NELL1: variants seen among roughly 807,000 people sequenced by gnomAD.
The protein encoded by NELL1 is neural EGFL like 1.
Under a neutral mutation model 107.4 loss-of-function variants are expected in NELL1, and 76 were observed. The ratio of observed to expected loss-of-function variants is 0.71; its 90% CI spans 0.59 to 0.86. NELL1 has a LOEUF of 0.86. Among genes scored for constraint, NELL1 ranks in the 40% least tolerant of loss-of-function variants. The pLI is 0.00. For synonymous variants in NELL1, 353 were observed against 341.2 expected (o/e 1.03, Z -0.38); for missense variants, 1,024 against 1,005.5 (o/e 1.02, Z -0.25).
intron 4 of NELL1, among the ~76,000 whole-genome samples, chr11:20,875,093 G>A (rs796195413): frequency 5.1e-4 from 78 of 152,226 alleles, no homozygotes; most frequent in Middle Eastern, 3.4e-3. Flanking sequence ...AATTACTTTC[G>A]TCTCATGGTA....
intron 15 of NELL1, among the ~76,000 whole-genome samples, chr11:21,410,771 C>T (rs531963282): frequency 4.5e-4 from 69 of 152,182 alleles, no homozygotes; most frequent in Middle Eastern, 3.4e-3. Flanking sequence ...CATGAAGTCT[C>T]TGTGGTGTAG....
chr11:21,493,591 G>C (rs1234727026), intron 15 of NELL1, among the ~76,000 whole-genome samples: 1 of 151,984 alleles, frequency 6.6e-6, no homozygotes, highest in Admixed American at 6.6e-5. Flanking sequence ...AGGATGTGAA[G>C]TGTCTATGGG....
chr11:21,281,025 C>T (rs1848981221), intron 14 of NELL1, among the ~76,000 whole-genome samples: 1 of 151,524 alleles, frequency 6.6e-6, no homozygotes, highest in African/African-American at 2.4e-5. Context: ...CCAGGCTGCA[C>T]AGCTTACAGT....
chr11:20,930,696 T>G (rs1360609217), intron 9 of NELL1, among the ~76,000 whole-genome samples: 1 of 152,188 alleles, frequency 6.6e-6, no homozygotes, highest in African/African-American at 2.4e-5. Context: ...TGTGGGACGG[T>G]CATTTTTCTT....
At chr11:20,690,203 T>C (rs1185146073) in intron 2 of NELL1, among the ~76,000 whole-genome samples, 2 of 152,212 alleles carry the variant, frequency 1.3e-5, no homozygotes, top group South Asian at 2.1e-4. Context: ...GATGAGTAGG[T>C]TGTGAAAATT....
chr11:20,933,283 T>C (rs960322466), intron 9 of NELL1, among the ~76,000 whole-genome samples: 2 of 152,174 alleles, frequency 1.3e-5, no homozygotes, highest in African/African-American at 4.8e-5. Flanking sequence ...ACATTAGAGA[T>C]ACTCCACAGG....
chr11:21,217,076 G>T (rs1184240690), intron 13 of NELL1, among the ~76,000 whole-genome samples: 1 of 152,106 alleles, frequency 6.6e-6, no homozygotes, highest in Non-Finnish European at 1.5e-5. Context: ...TTGTGATAGT[G>T]AGTGAGTTCC....
intron 14 of NELL1, among the ~76,000 whole-genome samples, chr11:21,274,590 A>C (rs1445042605): frequency 1.3e-5 from 2 of 152,212 alleles, no homozygotes; most frequent in Non-Finnish European, 2.9e-5. Flanking sequence ...AATCAACAGA[A>C]TATACATTCG....
intron 14 of NELL1, among the ~76,000 whole-genome samples, chr11:21,277,481 G>T (rs1278953864): frequency 6.6e-6 from 1 of 151,788 alleles, no homozygotes; most frequent in Non-Finnish European, 1.5e-5. Context: ...CATTGTGGAA[G>T]TCAGTGTGGC....
At chr11:21,512,433 T>A (rs1048090971) in intron 15 of NELL1, among the ~76,000 whole-genome samples, 3 of 152,178 alleles carry the variant, frequency 2.0e-5, no homozygotes, top group Non-Finnish European at 4.4e-5. Flanking sequence ...TTAGGGAGAA[T>A]GACAATATAG....
At chr11:21,550,236 A>G (rs1179888629) in intron 16 of NELL1, among the ~76,000 whole-genome samples, 1 of 152,012 alleles carries the variant, frequency 6.6e-6, no homozygotes, top group African/African-American at 2.4e-5. Flanking sequence ...GATTCTGGAT[A>G]TTAGCCCTTT....
chr11:21,265,311 G>C (rs1848614091), intron 14 of NELL1, among the ~76,000 whole-genome samples: 1 of 151,926 alleles, frequency 6.6e-6, no homozygotes, highest in African/African-American at 2.4e-5. Context: ...TATTCAGAAG[G>C]CTCTTCTTAG....
At chr11:21,021,982 G>A (rs1045628991) in intron 12 of NELL1, among the ~76,000 whole-genome samples, 1 of 151,930 alleles carries the variant, frequency 6.6e-6, no homozygotes, top group African/African-American at 2.4e-5. Context: ...GTACATTGTA[G>A]GATGTTTAGC....
At chr11:21,277,956 A>G (rs1197198895) in intron 14 of NELL1, among the ~76,000 whole-genome samples, 4 of 152,138 alleles carry the variant, frequency 2.6e-5, no homozygotes, top group African/African-American at 9.7e-5. Context: ...TTAAATGACG[A>G]GTTGCTGGGT....
At chr11:21,030,725 A>AT (rs1852935636) in intron 12 of NELL1, among the ~76,000 whole-genome samples, 1 of 149,308 alleles carries the variant, frequency 6.7e-6, no homozygotes. Flanking sequence ...TTATTTGTTA[A>AT]TTTTTTTAAA....
At chr11:20,987,593 C>G (rs887150994) in intron 12 of NELL1, among the ~76,000 whole-genome samples, 1 of 152,134 alleles carries the variant, frequency 6.6e-6, no homozygotes, top group African/African-American at 2.4e-5. Context: ...TGAGAACTCA[C>G]TATCACGAGA....
chr11:20,829,777 A>G (rs1857966185), intron 3 of NELL1, among the ~76,000 whole-genome samples: 1 of 151,886 alleles, frequency 6.6e-6, no homozygotes, highest in Admixed American at 6.6e-5. Context: ...TTTCCTCATG[A>G]TTAAGTTATT....
intron 12 of NELL1, among the ~76,000 whole-genome samples, chr11:21,055,293 C>G (rs569681030): frequency 7.9e-4 from 120 of 151,758 alleles, no homozygotes; most frequent in African/African-American, 2.7e-3. Context: ...CTCTCTTTTT[C>G]CTTTAAAAAT....
At chr11:20,962,413 A>C (rs7109148) in intron 12 of NELL1, among the ~76,000 whole-genome samples, 2,671 of 152,290 alleles carry the variant, frequency 0.018, 75 homozygotes, top group African/African-American at 0.06. Context: ...AACAATTATA[A>C]AAATGATAGA....
Sources: gnomAD v4.1 joint callset for allele counts (sites outside exome capture counted in the v4.1 genomes callset) on GRCh38, gnomAD v4.1.1 for gene constraint, MANE v1.5 for transcripts, NCBI Gene and HGNC (gene_info 2026-07-23, HGNC 2026-07-21) for gene names.